GALNTL6: variants seen among roughly 807,000 people sequenced by gnomAD.
GALNTL6 encodes the protein polypeptide N-acetylgalactosaminyltransferase like 6, also known as polypeptide N-acetylgalactosaminyltransferase-like 6.
In GALNTL6, 46 loss-of-function variants were observed where a neutral mutation model predicts 73.7. The observed-to-expected ratio is 0.62, with a 90% CI of 0.49 to 0.80. The LOEUF (loss-of-function observed/expected upper bound fraction) is 0.80. Among genes scored for constraint, GALNTL6 ranks in the 30% least tolerant of loss-of-function variants. The pLI is 0.00. For synonymous variants in GALNTL6, 259 were observed against 263.7 expected (o/e 0.98, Z 0.17); for missense variants, 604 against 755.0 (o/e 0.80, Z 2.34).
intron 2 of GALNTL6, among the ~76,000 whole-genome samples, chr4:172,143,410 A>T (rs1560940377): frequency 6.6e-6 from 1 of 151,250 alleles, no homozygotes; most frequent in Non-Finnish European, 1.5e-5. Context: ...TTTGTCTTTG[A>T]TTCATCTTCA....
At chr4:173,034,974 T>A (rs1753624685) in intron 12 of GALNTL6, among the ~76,000 whole-genome samples, 2 of 152,096 alleles carry the variant, frequency 1.3e-5, no homozygotes, top group African/African-American at 4.8e-5. Context: ...GTTGAATGCA[T>A]AAGTATATAT....
chr4:172,865,105 A>T (rs917621127), intron 7 of GALNTL6, among the ~76,000 whole-genome samples: 45 of 152,336 alleles, frequency 3.0e-4, no homozygotes, highest in African/African-American at 1.0e-3. Flanking sequence ...CACCAAGGGA[A>T]CATTTCCAAG....
At chr4:172,826,677 C>T (rs1742285035) in intron 7 of GALNTL6, among the ~76,000 whole-genome samples, 2 of 152,190 alleles carry the variant, frequency 1.3e-5, no homozygotes, top group African/African-American at 4.8e-5. Flanking sequence ...CTCCAGACTA[C>T]CCATCCCGTA....
intron 5 of GALNTL6, among the ~76,000 whole-genome samples, chr4:172,375,861 T>A (rs550202797): frequency 1.4e-4 from 21 of 152,288 alleles, no homozygotes; most frequent in African/African-American, 4.6e-4. Context: ...CTGTTAGTAT[T>A]GGGACTTTAC....
intron 2 of GALNTL6, among the ~76,000 whole-genome samples, chr4:171,891,518 T>C (rs999800289): frequency 2.0e-5 from 3 of 152,228 alleles, no homozygotes; most frequent in Admixed American, 2.0e-4. Flanking sequence ...AAGAAATCAT[T>C]GTCTCAATGT....
chr4:172,851,465 C>CAT (rs923538642), intron 7 of GALNTL6, among the ~76,000 whole-genome samples: 9 of 151,568 alleles, frequency 5.9e-5, no homozygotes, highest in Non-Finnish European at 8.8e-5. Context: ...CGCATATATA[C>CAT]ATATATATAT....
chr4:172,958,001 G>T (rs1043422546), intron 10 of GALNTL6, among the ~76,000 whole-genome samples: 2 of 152,140 alleles, frequency 1.3e-5, no homozygotes, highest in Non-Finnish European at 2.9e-5. Context: ...CAGTCATGGG[G>T]GTCAGGTGTG....
At chr4:172,464,730 A>G (rs905967651) in intron 5 of GALNTL6, among the ~76,000 whole-genome samples, 2 of 151,846 alleles carry the variant, frequency 1.3e-5, no homozygotes, top group African/African-American at 4.8e-5. Flanking sequence ...TAATAATAAT[A>G]ATAATTTCAA....
chr4:172,150,409 C>T (rs975762854), intron 2 of GALNTL6, among the ~76,000 whole-genome samples: 1 of 152,030 alleles, frequency 6.6e-6, no homozygotes, highest in African/African-American at 2.4e-5. Context: ...ATTTTAGAAA[C>T]AAATTCTAAT....
chr4:172,265,411 A>G (rs1199697193), intron 3 of GALNTL6, among the ~76,000 whole-genome samples: 1 of 152,124 alleles, frequency 6.6e-6, no homozygotes, highest in Non-Finnish European at 1.5e-5. Context: ...AGCCTAAGGT[A>G]AAAAATGAAA....
At chr4:172,175,099 C>A (rs1372037333) in intron 2 of GALNTL6, among the ~76,000 whole-genome samples, 2 of 145,718 alleles carry the variant, frequency 1.4e-5, no homozygotes, top group African/African-American at 5.1e-5. Context: ...TTTTTTGAGA[C>A]GGAGTCTCAC....
chr4:171,981,821 A>C (rs1739905491), intron 2 of GALNTL6, among the ~76,000 whole-genome samples: 1 of 152,000 alleles, frequency 6.6e-6, no homozygotes, highest in East Asian at 1.9e-4. Flanking sequence ...GTTTAAAGGA[A>C]ATTATTCTCA....
At chr4:172,496,648 A>G (rs1191749509) in intron 5 of GALNTL6, among the ~76,000 whole-genome samples, 2 of 152,172 alleles carry the variant, frequency 1.3e-5, no homozygotes, top group Non-Finnish European at 2.9e-5. Context: ...AGGCCACTCC[A>G]CTCCAGCCTG....
chr4:173,029,495 C>T (rs1340480294), intron 12 of GALNTL6, among the ~76,000 whole-genome samples: 1 of 152,192 alleles, frequency 6.6e-6, no homozygotes, highest in African/African-American at 2.4e-5. Flanking sequence ...ATTCCCAGAA[C>T]ACAATATTGT....
chr4:172,530,540 C>A (rs1468905542), intron 5 of GALNTL6, among the ~76,000 whole-genome samples: 1 of 152,074 alleles, frequency 6.6e-6, no homozygotes, highest in African/African-American at 2.4e-5. Flanking sequence ...GTTACTTTAC[C>A]TCTCTGAACC....
intron 5 of GALNTL6, among the ~76,000 whole-genome samples, chr4:172,369,608 C>G (rs976772708): frequency 6.6e-6 from 1 of 152,200 alleles, no homozygotes; most frequent in South Asian, 2.1e-4. Flanking sequence ...GTCCCGAGCC[C>G]TGCCCCATGG....
At chr4:172,460,966 C>A (rs1732589105) in intron 5 of GALNTL6, among the ~76,000 whole-genome samples, 2 of 152,104 alleles carry the variant, frequency 1.3e-5, no homozygotes, top group South Asian at 4.1e-4. Context: ...TGGAACCAAC[C>A]CAAATGCCCA....
chr4:172,793,894 T>G (rs1428807203), intron 5 of GALNTL6, among the ~76,000 whole-genome samples: 1 of 149,506 alleles, frequency 6.7e-6, no homozygotes, highest in African/African-American at 2.6e-5. Context: ...CACTTATTCT[T>G]AGTGACAGAA....
chr4:172,094,181 A>G (rs1169271485), intron 2 of GALNTL6, among the ~76,000 whole-genome samples: 2 of 152,134 alleles, frequency 1.3e-5, no homozygotes, highest in South Asian at 2.1e-4. Context: ...AACAGTACAT[A>G]TTTACTAACA....
Sources: allele counts gnomAD v4.1 joint callset (sites outside exome capture counted in the v4.1 genomes callset), GRCh38; gene constraint gnomAD v4.1.1; transcripts MANE v1.5; gene names NCBI Gene and HGNC (gene_info 2026-07-23, HGNC 2026-07-21).